Variants in ELAVL1 observed in about 807,000 individuals in gnomAD.
The protein encoded by ELAVL1 is ELAV like RNA binding protein 1.
A neutral mutation model predicts 28.4 loss-of-function variants in ELAVL1; 1 was observed. The ratio of observed to expected loss-of-function variants is 0.04; its 90% CI spans 0.01 to 0.17. The LOEUF is 0.17. Ranked by LOEUF, ELAVL1 falls within the 10% of genes least tolerant of loss-of-function variation. The pLI, the probability that ELAVL1 is intolerant of heterozygous loss-of-function variation, is 1.00. For synonymous variants in ELAVL1, 174 were observed against 183.5 expected (o/e 0.95, Z 0.42); for missense variants, 157 against 447.2 (o/e 0.35, Z 5.85).
chr19:7,969,573 G>A (rs1960690902), intron 4 of ELAVL1, among the ~76,000 whole-genome samples: 1 of 152,194 alleles, frequency 6.6e-6, no homozygotes, highest in East Asian at 1.9e-4. Context: ...ACACAACCCT[G>A]ACAGATGCTG....
chr19:8,004,237 G>A (rs2081079269), intron 1 of ELAVL1, among the ~76,000 whole-genome samples: 1 of 152,170 alleles, frequency 6.6e-6, no homozygotes, highest in Non-Finnish European at 1.5e-5. Context: ...ACAACGCAAC[G>A]GGATTTCCAC....
chr19:7,984,036 G>A (rs911700187), intron 2 of ELAVL1, among the ~76,000 whole-genome samples: 18 of 152,084 alleles, frequency 1.2e-4, no homozygotes, highest in African/African-American at 4.3e-4. Context: ...CATGGGCCCT[G>A]AGGACCCACC....
At chr19:7,987,724 G>A (rs1295889361) in intron 2 of ELAVL1, among the ~76,000 whole-genome samples, 1 of 152,162 alleles carries the variant, frequency 6.6e-6, no homozygotes, top group Non-Finnish European at 1.5e-5. Flanking sequence ...TGCAAACACC[G>A]ACTGGCTATG....
intron 2 of ELAVL1, among the ~76,000 whole-genome samples, chr19:7,991,313 A>G (rs142610865): frequency 1.0e-3 from 157 of 152,130 alleles, no homozygotes; most frequent in African/African-American, 3.4e-3. Context: ...GACCCAATCA[A>G]TCTGCCCAGG....
chr19:7,996,060 G>A (rs1459347908), intron 1 of ELAVL1, among the ~76,000 whole-genome samples: 1 of 151,730 alleles, frequency 6.6e-6, no homozygotes, highest in Non-Finnish European at 1.5e-5. Context: ...ATTTTTTGTC[G>A]AGATAGGGTC....
chr19:7,962,058 A>G lies in ELAVL1; in HGVS notation c.*1425T>C, dbSNP rs986405043. The G allele has an allele frequency of 2.6e-5, 4 of 153,572 alleles. No homozygotes were observed. The highest frequency in any genetic ancestry group is 5.9e-5 in the Non-Finnish European group (4 of 68,038). The allele number at this position is 153,572 out of a possible 1,614,324, so 9.5% of individuals were successfully genotyped here. ...AGTTTTGGGTGATCTGGCCCTGCCT[A>G]TTTCACAGGCTTTCTCTTTCACCCT... On this transcript the variant is annotated 3_prime_UTR_variant, in exon 6 of 6. Coordinates refer to ENST00000407627, the MANE Select transcript of ELAVL1 (RefSeq NM_001419.3).
intron 4 of ELAVL1, among the ~76,000 whole-genome samples, chr19:7,972,438 G>C (rs1038140301): frequency 3.3e-5 from 5 of 152,244 alleles, no homozygotes; most frequent in African/African-American, 1.2e-4. Context: ...AGACGGACTG[G>C]GAGGGCCAGC....
At chr19:7,973,558 C>T (rs746035117) in intron 4 of ELAVL1, 167 bp downstream of exon 4, 11 of 811,662 alleles carry the variant, frequency 1.4e-5, no homozygotes, top group Non-Finnish European at 2.1e-5. Flanking sequence ...TGCCATCTTA[C>T]CTCCTCAGCC....
At chr19:7,986,735 C>G (rs1190131896) in intron 2 of ELAVL1, among the ~76,000 whole-genome samples, 1 of 152,166 alleles carries the variant, frequency 6.6e-6, no homozygotes, top group Non-Finnish European at 1.5e-5. Flanking sequence ...AAGCAGAATA[C>G]TATGCGACCG....
intron 1 of ELAVL1, among the ~76,000 whole-genome samples, chr19:8,004,350 G>C (rs991039233): frequency 6.6e-6 from 1 of 152,208 alleles, no homozygotes; most frequent in African/African-American, 2.4e-5. Context: ...GCATCTCCCA[G>C]GGCATTAGAA....
rs542431817 is a variant in ELAVL1, at chr19:7,981,646, C to T, written c.173-460G>A. The stretch of plus-strand genomic sequence containing the variant: ...TCGACCTCCCAAAGTGTTGGGATTA[C>T]AGATGTGAGCCACTGAGCCTGGCCA... On this transcript the variant is annotated intron_variant, in intron 2 of 5. Transcript: ENST00000407627. This position sits in a 1 kb window ranked among gnomAD's most constrained non-coding sequence, Gnocchi z 4.2. 3.3e-5 allele frequency among the ~76,000 whole-genome samples: 5 copies of T among 152,316 alleles called. No homozygotes were observed. Among genetic ancestry groups the T allele is most frequent in the African/African-American group, 1.2e-4 (5 of 41,572 alleles).
At chr19:7,985,588 G>A (rs575544310) in intron 2 of ELAVL1, among the ~76,000 whole-genome samples, 8 of 152,280 alleles carry the variant, frequency 5.3e-5, no homozygotes, top group African/African-American at 1.9e-4. Context: ...CGAGGGAGCA[G>A]GAGGACAGGG....
chr19:7,991,626 A>G lies in ELAVL1; in HGVS notation c.172+18T>C. ...GGCCACCAATACCCGGTTTACTAAA[A>G]CGCCTCCATTTCTTTACCTGCTACT... On this transcript the variant is annotated intron_variant, in intron 2 of 5. Transcript: ENST00000407627. The G allele has an allele frequency of 6.2e-7, 1 of 1,601,896 alleles. No homozygotes were observed. The highest frequency in any genetic ancestry group is 1.7e-5 in the Admixed American group (1 of 58,780).
intron 3 of ELAVL1, among the ~76,000 whole-genome samples, chr19:7,975,608 C>A (rs1399177083): frequency 1.3e-5 from 2 of 152,234 alleles, no homozygotes; most frequent in African/African-American, 2.4e-5. Context: ...TTTCTGGCTG[C>A]CCATTCTCAA....
rs144442107 is a variant in ELAVL1 at position 7,977,663 on chromosome 19, G to A, written c.276+3420C>T. On this transcript the variant is annotated intron_variant, in intron 3 of 5. Transcript: ENST00000407627. Reference sequence around the variant, plus strand: ...GGAAAAAGATAGATAGGGATGAGGAGACAGGACTCCTCCTTCTCCACTCTG... The same window carrying A: ...GGAAAAAGATAGATAGGGATGAGGAAACAGGACTCCTCCTTCTCCACTCTG... 3.4e-3 allele frequency among the ~76,000 whole-genome samples: 522 copies of A among 152,336 alleles called. 1 individual carries two copies. Among genetic ancestry groups the A allele is most frequent in the African/African-American group, 0.012 (481 of 41,568 alleles).
chr19:7,971,281 G>A (rs559013350), intron 4 of ELAVL1, among the ~76,000 whole-genome samples: 65 of 152,352 alleles, frequency 4.3e-4, no homozygotes, highest in Middle Eastern at 3.4e-3. Flanking sequence ...TGGGTGGCTG[G>A]AGGCATGTTC....
At position 7,979,436 on chromosome 19, in the gene ELAVL1, C is replaced by T. The variant is rs992536826; in HGVS notation, c.276+1647G>A. ...CAGTCCTGTTTACACACTGGGCACC[C>T]GGCTCCTGCATCTGAGTAAACGGAA... is the stretch of plus-strand genomic sequence containing the variant. On this transcript the variant is annotated intron_variant, in intron 3 of 5. Coordinates refer to ENST00000407627, the MANE Select transcript of ELAVL1 (RefSeq NM_001419.3). This position sits in a 1 kb window ranked among gnomAD's most constrained non-coding sequence, Gnocchi z 5.4. Among the ~76,000 whole-genome samples the T allele has an allele frequency of 2.0e-5, 3 of 152,224 alleles. No homozygotes were observed. Among genetic ancestry groups the T allele is most frequent in the Admixed American group, 6.5e-5 (1 of 15,290 alleles).
intron 3 of ELAVL1, among the ~76,000 whole-genome samples, chr19:7,977,559 G>C (rs1387120991): frequency 6.6e-6 from 1 of 152,208 alleles, no homozygotes; most frequent in African/African-American, 2.4e-5. Context: ...CAGGGACACT[G>C]AGCTGCATCT....
rs1326283021 is a variant in ELAVL1, at chr19:7,982,724, G to A, written c.173-1538C>T. 6.6e-6 allele frequency among the ~76,000 whole-genome samples: 1 copy of A among 152,028 alleles called. No individual in the cohort carries two copies. Reference sequence around the variant, plus strand: ...TAGTCTTTCCCTCATGTTCTTTCCTGCCCCAGGACCTCATCCAGGATCCCA... The same window carrying A: ...TAGTCTTTCCCTCATGTTCTTTCCTACCCCAGGACCTCATCCAGGATCCCA... On this transcript the variant is annotated intron_variant, in intron 2 of 5. Transcript: ENST00000407627. This position sits in a 1 kb window ranked among gnomAD's most constrained non-coding sequence, Gnocchi z 4.3.
Sources: allele counts gnomAD v4.1 joint callset (sites outside exome capture counted in the v4.1 genomes callset), GRCh38; gene constraint gnomAD v4.1.1; non-coding constraint Gnocchi (gnomAD v3.1); transcripts MANE v1.5; gene names NCBI Gene and HGNC (gene_info 2026-07-23, HGNC 2026-07-21).